The following APBB1 variants were observed in gnomAD, a reference collection of about 807,000 sequenced individuals.
APBB1 encodes the protein adaptor protein FE65a2.
A neutral mutation model predicts 78.4 loss-of-function variants in APBB1; 22 were observed. The ratio of observed to expected loss-of-function variants is 0.28; its 90% CI spans 0.20 to 0.40. The LOEUF is 0.40. APBB1 is among the 10% of genes least tolerant of loss of function. The probability of loss-of-function intolerance (pLI) is 1.00; values close to 1 mark genes in which losing one functional copy is unlikely to be tolerated. For missense variants in APBB1, 749 were observed against 932.4 expected, an observed-to-expected ratio of 0.80 and a Z score of 2.56; for synonymous variants, 369 against 372.7, an observed-to-expected ratio of 0.99 and a Z score of 0.12.
intron 1 of APBB1, among the ~76,000 whole-genome samples, chr11:6,415,633 C>T (rs1038195885): frequency 1.3e-5 from 2 of 152,134 alleles, no homozygotes; most frequent in Non-Finnish European, 2.9e-5. Context: ...CTCCATTGGC[C>T]ACCCGTCTCA....
In APBB1 at chr11:6,401,790, G is replaced by T; in HGVS notation, c.1389-102C>A. On this transcript the variant is annotated intron_variant, in intron 9 of 14. Coordinates refer to ENST00000609360, the MANE Select transcript of APBB1 (RefSeq NM_001164.5). The surrounding 1 kb of genome is among the most constrained non-coding windows in gnomAD (Gnocchi z 4.5). ...CCCTGCCCATCACAGCTCCTCCAGG[G>T]CTTCTGCCCACAGCTGGTCCCCCAT... The T allele has an allele frequency of 6.8e-7, 1 of 1,480,268 alleles. No individual in the cohort carries two copies. The allele number at this position is 1,480,268 out of a possible 1,614,324, so 91.7% of individuals were successfully genotyped here. A position where few individuals can be genotyped will look rare whatever the true frequency, so the allele number is the denominator to read the frequency against.
chr11:6,395,517 G>A lies in APBB1; in HGVS notation c.*17C>T. ...TGGGGCCCAACACAAGCAGGTGGAG[G>A]GAAGGTGGGGGCTTCTTCATGGGGT... On this transcript the variant is annotated 3_prime_UTR_variant, in exon 15 of 15. Transcript: ENST00000609360. The surrounding 1 kb of genome is among the most constrained non-coding windows in gnomAD (Gnocchi z 5.2). 1 of 1,528,704 alleles carries A rather than the reference G, an allele frequency of 6.5e-7. No homozygotes were observed. The highest frequency in any genetic ancestry group is 1.3e-5 in the South Asian group (1 of 77,802). 94.7% of individuals were successfully genotyped at this position (1,528,704 alleles called of 1,614,324 possible).
In APBB1 at chr11:6,404,799, C is replaced by T. The variant is rs778511720; in HGVS notation, c.722-977G>A. The T allele has an allele frequency of 3.0e-5, 46 of 1,536,074 alleles. No homozygotes were observed. The South Asian group carries it at 3.1e-4, about 10-fold the overall frequency. ...AGGAAAAAGTCCTGGGAGAACATGG[C>T]GCTCATTCCCGGCCCCTCCTGCCTC... On this transcript the variant is annotated intron_variant, in intron 2 of 14. Coordinates refer to ENST00000609360, the MANE Select transcript of APBB1 (RefSeq NM_001164.5).
intron 2 of APBB1, chr11:6,404,563 T>C: frequency 6.5e-7 from 1 of 1,533,902 alleles, no homozygotes; most frequent in Non-Finnish European, 8.7e-7. Context: ...TGACCCTTGC[T>C]GCACACAGAT....
intron 2 of APBB1, chr11:6,404,705 C>T (rs1485367721): frequency 6.5e-7 from 1 of 1,535,966 alleles, no homozygotes; most frequent in East Asian, 2.4e-5. Flanking sequence ...TCCCTGTCAG[C>T]CCCACCCCAC....
chr11:6,404,330 G>GCA (rs370304978), intron 2 of APBB1, among the ~76,000 whole-genome samples: 3 of 152,054 alleles, frequency 2.0e-5, no homozygotes, highest in Non-Finnish European at 2.9e-5. Context: ...ATGTGCAGGG[G>GCA]CACACACACA....
chr11:6,410,553 C>T, intron 2 of APBB1, 74 bp downstream of exon 2: 1 of 1,355,224 alleles, frequency 7.4e-7, no homozygotes, highest in South Asian at 1.6e-5. Context: ...CAGGCTGGCA[C>T]TGGCCTCTGT....
intron 12 of APBB1, among the ~76,000 whole-genome samples, chr11:6,398,106 G>T (rs759137182): frequency 9.2e-5 from 14 of 152,282 alleles, no homozygotes; most frequent in Non-Finnish European, 2.1e-4. Flanking sequence ...TGAAAGCAGT[G>T]GACCAAGGTA....
chr11:6,404,080 G>A, intron 2 of APBB1: 2 of 428,844 alleles, frequency 4.7e-6, no homozygotes, highest in Admixed American at 3.9e-5. Context: ...AGGAAGGCAG[G>A]GAGGGAAGAA....
Position 6,403,456 on chromosome 11 carries a change from T to C in APBB1, c.954+32A>G. 1 of 1,614,188 alleles carries C rather than the reference T, an allele frequency of 6.2e-7. No homozygotes were observed. The highest frequency in any genetic ancestry group is 8.5e-7 in the Non-Finnish European group (1 of 1,180,012). On this transcript the variant is annotated intron_variant, in intron 4 of 14. Coordinates refer to ENST00000609360, the MANE Select transcript of APBB1 (RefSeq NM_001164.5). This position sits in a 1 kb window ranked among gnomAD's most constrained non-coding sequence, Gnocchi z 5.3. Reference sequence around the variant, plus strand: ...ATCAAAATGATGCCCCTCCTCCAGCTATCCCGTGGTAAAGCAGGTCCCCTT... The same window carrying C: ...ATCAAAATGATGCCCCTCCTCCAGCCATCCCGTGGTAAAGCAGGTCCCCTT...
rs1803903 is a variant in APBB1, at chr11:6,395,804, A to G, written c.1947T>C (p.Ala649=). ...AGCTTACCATGCACGCAGCCTGCAC[A>G]GCCTCTGAGAGGCTGGCAGCATTGG... is the stretch of plus-strand genomic sequence containing the variant. ...CEPNAASLSE[A]VQAACMLRYQ... Residue 649 remains alanine (A), a synonymous_variant, in exon 14 of 15, where the codon GCT becomes GCC. Coordinates refer to ENST00000609360, the MANE Select transcript of APBB1 (RefSeq NM_001164.5). This position sits in a 1 kb window ranked among gnomAD's most constrained non-coding sequence, Gnocchi z 5.2. 1.2e-6 allele frequency: 2 copies of G among 1,614,048 alleles called. No individual in the cohort carries two copies. Among genetic ancestry groups the G allele is most frequent in the Non-Finnish European group, 1.7e-6 (2 of 1,179,990 alleles).
chr11:6,405,713 C>T (rs1848775507), intron 2 of APBB1: 6 of 983,794 alleles, frequency 6.1e-6, no homozygotes, highest in Non-Finnish European at 7.2e-6. Flanking sequence ...CATCCACCTT[C>T]TAGGCAGCCA....
chr11:6,401,323 C>G lies in APBB1; in HGVS notation c.1588+22G>C, dbSNP rs756844589. The G allele has an allele frequency of 1.9e-6, 3 of 1,613,988 alleles. 1 individual carries two copies. The highest frequency in any genetic ancestry group is 3.3e-5 in the Admixed American group (2 of 60,004). On this transcript the variant is annotated intron_variant, in intron 11 of 14. Transcript: ENST00000609360. The surrounding 1 kb of genome is among the most constrained non-coding windows in gnomAD (Gnocchi z 4.5). ...CTTTGCCAACAAAGCTGAGCTGGACCTGGAGGGGTTTTGACACTGACCTTG... is the reference window on the plus strand; with the variant it reads ...CTTTGCCAACAAAGCTGAGCTGGACGTGGAGGGGTTTTGACACTGACCTTG...
Position 6,401,828 on chromosome 11 carries a change from CT to C in APBB1, c.1389-141del, listed in dbSNP as rs747091409. On this transcript the variant is annotated intron_variant, in intron 9 of 14. Coordinates refer to ENST00000609360, the MANE Select transcript of APBB1 (RefSeq NM_001164.5). The surrounding 1 kb of genome is among the most constrained non-coding windows in gnomAD (Gnocchi z 4.5). ...GCTGGTCCCCCATAGGTGCTGCCTT[CT>C]TGGGGGGGAGGGGTAGACAGGCAAG... 9.1e-6 allele frequency: 13 copies of C among 1,425,040 alleles called. No homozygotes were observed. The highest frequency in any genetic ancestry group is 1.3e-5 in the Non-Finnish European group (13 of 1,028,658). 88.3% of individuals were successfully genotyped at this position (1,425,040 alleles called of 1,614,324 possible).
intron 1 of APBB1, among the ~76,000 whole-genome samples, chr11:6,412,506 A>G (rs1169977740): frequency 1.3e-5 from 2 of 152,012 alleles, no homozygotes; most frequent in African/African-American, 4.8e-5. Flanking sequence ...TTCCCTGAAC[A>G]CCCATTTTAA....
intron 12 of APBB1, among the ~76,000 whole-genome samples, chr11:6,400,128 G>C (rs1848425047): frequency 6.6e-6 from 1 of 152,104 alleles, no homozygotes. Context: ...AAATGGGACT[G>C]TGGCCACTGT....
chr11:6,411,850 A>G lies in APBB1; in HGVS notation c.-14-489T>C, dbSNP rs1216858830. On this transcript the variant is annotated intron_variant, in intron 1 of 14. Transcript: ENST00000609360. This position sits in a 1 kb window ranked among gnomAD's most constrained non-coding sequence, Gnocchi z 5.2. ...GTGTTCCTATTCCCATAAATCACTCAGCTCAACCAGCCCCCAAGCCCACCC... is the reference window on the plus strand; with the variant it reads ...GTGTTCCTATTCCCATAAATCACTCGGCTCAACCAGCCCCCAAGCCCACCC... Among the ~76,000 whole-genome samples the G allele has an allele frequency of 6.6e-6, 1 of 152,086 alleles. No homozygotes were observed. Among genetic ancestry groups the G allele is most frequent in the African/African-American group, 2.4e-5 (1 of 41,396 alleles).
chr11:6,413,028 A>C (rs1849016743), intron 1 of APBB1, among the ~76,000 whole-genome samples: 1 of 149,306 alleles, frequency 6.7e-6, no homozygotes, highest in African/African-American at 2.5e-5. Flanking sequence ...GCCCCATTCC[A>C]TCCTCCCCAC....
chr11:6,396,501 G>C (rs1268341304), intron 12 of APBB1: 2 of 381,452 alleles, frequency 5.2e-6, no homozygotes, highest in Non-Finnish European at 4.7e-6. Flanking sequence ...ACCTCTCAAA[G>C]TTCTGATTTC....
Sources: gnomAD v4.1 joint callset for allele counts (sites outside exome capture counted in the v4.1 genomes callset) on GRCh38, gnomAD v4.1.1 for gene constraint, Gnocchi (gnomAD v3.1) non-coding constraint, MANE v1.5 for transcripts, NCBI Gene and HGNC (gene_info 2026-07-23, HGNC 2026-07-21) for gene names.